Variants in SGTA observed in about 807,000 individuals in gnomAD.
SGTA encodes small glutamine rich tetratricopeptide repeat co-chaperone alpha, also known as small glutamine-rich tetratricopeptide repeat-containing protein alpha.
In SGTA, 22 loss-of-function variants were observed where a neutral mutation model predicts 44.3. That is an observed-to-expected ratio of 0.50 (90% CI 0.36 to 0.71). The LOEUF (loss-of-function observed/expected upper bound fraction) is 0.71. SGTA is among the 30% of genes least tolerant of loss of function. The pLI is 0.00. For synonymous variants in SGTA, 174 were observed against 177.6 expected, an observed-to-expected ratio of 0.98 and a Z score of 0.16; for missense variants, 341 against 435.9, an observed-to-expected ratio of 0.78 and a Z score of 1.94.
intron 1 of SGTA, among the ~76,000 whole-genome samples, chr19:2,773,890 C>G (rs111813649): frequency 2.7e-5 from 2 of 74,588 alleles, no homozygotes; most frequent in African/African-American, 1.1e-4. Flanking sequence ...CACGGCCACA[C>G]GGCAGGGACT....
intron 9 of SGTA, 135 bp from the exon 10 acceptor site, chr19:2,757,917 C>G: frequency 1.7e-6 from 1 of 573,152 alleles, no homozygotes; most frequent in Non-Finnish European, 2.9e-6. Flanking sequence ...TCTCTCACCA[C>G]CTGGTGGGCC....
intron 2 of SGTA, among the ~76,000 whole-genome samples, chr19:2,768,159 G>A (rs1313910630): frequency 1.3e-5 from 2 of 152,176 alleles, no homozygotes; most frequent in Non-Finnish European, 1.5e-5. Context: ...AGCAGGACAA[G>A]AAACAGCCAC....
intron 7 of SGTA, among the ~76,000 whole-genome samples, chr19:2,762,285 G>A (rs1269140835): frequency 2.0e-5 from 3 of 152,092 alleles, no homozygotes; most frequent in Non-Finnish European, 2.9e-5. Flanking sequence ...CAGCCTCCGC[G>A]GGCAGCCCTG....
chr19:2,763,539 C>A lies in SGTA; in HGVS notation c.497+114G>T. 1.4e-6 allele frequency: 1 copy of A among 691,470 alleles called. No homozygotes were observed. The highest frequency in any genetic ancestry group is 2.4e-6 in the Non-Finnish European group (1 of 409,782). The allele number at this position is 691,470 out of a possible 1,614,324, so 42.8% of individuals were successfully genotyped here. A position where few individuals can be genotyped will look rare whatever the true frequency, so the allele number is the denominator to read the frequency against. On this transcript the variant is annotated intron_variant, in intron 6 of 11. Coordinates refer to ENST00000221566, the MANE Select transcript of SGTA (RefSeq NM_003021.4). The surrounding 1 kb of genome is among the most constrained non-coding windows in gnomAD (Gnocchi z 5.8). ...AGCTAGTGTCAGAGTTGAACTGAACCGGGGTGGGAGAATTCGTTGTGGGTG... is the reference window on the plus strand; with the variant it reads ...AGCTAGTGTCAGAGTTGAACTGAACAGGGGTGGGAGAATTCGTTGTGGGTG...
At chr19:2,768,600 G>A (rs1275011032) in intron 2 of SGTA, among the ~76,000 whole-genome samples, 2 of 152,230 alleles carry the variant, frequency 1.3e-5, no homozygotes, top group African/African-American at 4.8e-5. Context: ...ACTCTGGGGC[G>A]GGGCCAGCAC....
At chr19:2,773,534 G>A (rs376245098) in intron 1 of SGTA, among the ~76,000 whole-genome samples, 581 of 20,498 alleles carry the variant, frequency 0.028, 16 homozygotes, top group Non-Finnish European at 0.032. Context: ...CAGGGACACC[G>A]AGGGCAGAGG....
At position 2,761,608 on chromosome 19, in the gene SGTA, C is replaced by A. The variant is rs867485213; in HGVS notation, c.637-86G>T. On this transcript the variant is annotated intron_variant, in intron 7 of 11. Transcript: ENST00000221566. The surrounding 1 kb of genome is among the most constrained non-coding windows in gnomAD (Gnocchi z 5.7). ...CCTGGAACTCAGAAACAACGGCCCC[C>A]CACGGGGCTCAGACATTCTATCAAC... is the stretch of plus-strand genomic sequence containing the variant. 1.2e-5 allele frequency: 13 copies of A among 1,106,786 alleles called. No individual in the cohort carries two copies. The highest frequency in any genetic ancestry group is 2.0e-4 in the Middle Eastern group (1 of 5,116). 68.6% of individuals were successfully genotyped at this position (1,106,786 alleles called of 1,614,324 possible).
chr19:2,757,813 G>A, intron 9 of SGTA, 31 bp from the exon 10 acceptor site: 1 of 1,483,772 alleles, frequency 6.7e-7, no homozygotes, highest in Non-Finnish European at 9.1e-7. Flanking sequence ...CTCGCAGCCG[G>A]GACAGCCTGA....
At chr19:2,759,411 G>T (rs1485741685) in intron 8 of SGTA, 117 bp from the exon 9 acceptor site, 12 of 914,018 alleles carry the variant, frequency 1.3e-5, no homozygotes, top group Non-Finnish European at 2.1e-5. Context: ...CCAACCAACA[G>T]TAAGAGCCGG....
chr19:2,775,112 CT>C (rs1447373704), intron 1 of SGTA, among the ~76,000 whole-genome samples: 1 of 152,236 alleles, frequency 6.6e-6, no homozygotes, highest in East Asian at 1.9e-4. Flanking sequence ...GCACCAGGCC[CT>C]TGACACAACA....
chr19:2,767,404 G>A lies in SGTA; in HGVS notation c.207+176C>T, dbSNP rs1436348575. 1.3e-5 allele frequency among the ~76,000 whole-genome samples: 2 copies of A among 152,122 alleles called. No homozygotes were observed. The highest frequency in any genetic ancestry group is 2.9e-5 in the Non-Finnish European group (2 of 67,990). ...GTGACCACAGCGCTATGTGTCTCAG[G>A]ACCCGCCGATAGGGGGAGGAGGGCC... On this transcript the variant is annotated intron_variant, in intron 3 of 11. Coordinates refer to ENST00000221566, the MANE Select transcript of SGTA (RefSeq NM_003021.4). The surrounding 1 kb of genome is among the most constrained non-coding windows in gnomAD (Gnocchi z 7.3).
intron 1 of SGTA, chr19:2,777,973 C>CACCACTG (rs1307285720): frequency 6.7e-6 from 1 of 148,606 alleles, no homozygotes; most frequent in Non-Finnish European, 1.5e-5. Flanking sequence ...GCTGAGATCG[C>CACCACTG]ACCACTGCAC....
intron 8 of SGTA, 56 bp from the exon 9 acceptor site, chr19:2,759,350 T>G: frequency 6.6e-7 from 1 of 1,523,802 alleles, no homozygotes; most frequent in Non-Finnish European, 9.1e-7. Context: ...ATCATTCTCT[T>G]TCATCAGACA....
At chr19:2,760,773 G>A (rs116326223) in intron 8 of SGTA, among the ~76,000 whole-genome samples, 3,905 of 152,216 alleles carry the variant, frequency 0.026, 153 homozygotes, top group African/African-American at 0.087. Context: ...GACCCGGGCA[G>A]GGCTCCTGGC....
intron 1 of SGTA, among the ~76,000 whole-genome samples, chr19:2,779,486 G>A (rs1184751360): frequency 3.3e-5 from 5 of 152,334 alleles, no homozygotes; most frequent in East Asian, 1.9e-4. Context: ...CTCAACTGCC[G>A]TTTGGCACTC....
chr19:2,782,560 G>A (rs1006215069), intron 1 of SGTA: 3 of 152,168 alleles, frequency 2.0e-5, no homozygotes, highest in Non-Finnish European at 4.4e-5. Flanking sequence ...AGAGAGGGAA[G>A]GCGACTCACC....
At chr19:2,781,068 G>C (rs1164135774) in intron 1 of SGTA, among the ~76,000 whole-genome samples, 1 of 152,206 alleles carries the variant, frequency 6.6e-6, no homozygotes, top group Non-Finnish European at 1.5e-5. Context: ...GGGCGACAGA[G>C]CAAGACCCTA....
intron 2 of SGTA, 87 bp downstream of exon 2, chr19:2,768,882 C>G: frequency 1.0e-6 from 1 of 967,270 alleles, no homozygotes; most frequent in Non-Finnish European, 1.6e-6. Context: ...AGGCGGGGGA[C>G]CAGGCATCTA....
At chr19:2,777,817 G>A (rs1187685738) in intron 1 of SGTA, 2 of 151,874 alleles carry the variant, frequency 1.3e-5, no homozygotes, top group African/African-American at 4.8e-5. Flanking sequence ...TTGGGAGGCT[G>A]AAGTGGTCTG....
Sources: gnomAD v4.1 joint callset for allele counts (sites outside exome capture counted in the v4.1 genomes callset) on GRCh38, gnomAD v4.1.1 for gene constraint, Gnocchi (gnomAD v3.1) non-coding constraint, MANE v1.5 for transcripts, NCBI Gene and HGNC (gene_info 2026-07-23, HGNC 2026-07-21) for gene names.